Variants in TRIM17 observed in about 807,000 individuals in gnomAD.
The protein encoded by TRIM17 is E3 ubiquitin-protein ligase TRIM17.
Under a neutral mutation model 35.8 loss-of-function variants are expected in TRIM17, and 27 were observed. The ratio of observed to expected loss-of-function variants is 0.75; its 90% CI spans 0.56 to 1.04. The LOEUF (loss-of-function observed/expected upper bound fraction) is 1.04. TRIM17 is among the 50% of genes least tolerant of loss of function. TRIM17 has a pLI of 0.00. For missense variants in TRIM17, 582 were observed against 612.8 expected (o/e 0.95, Z 0.53); for synonymous variants, 246 against 252.6 (o/e 0.97, Z 0.25).
intron 1 of TRIM17, chr1:228,415,559 C>T (rs1657062149): frequency 6.4e-6 from 1 of 155,754 alleles, no homozygotes; most frequent in African/African-American, 2.4e-5. Context: ...CCAACTCCCC[C>T]ATACATCCCC....
chr1:228,413,280 T>C (rs1160918470), intron 3 of TRIM17, among the ~76,000 whole-genome samples: 4 of 151,174 alleles, frequency 2.6e-5, no homozygotes, highest in African/African-American at 9.7e-5. Flanking sequence ...AAGGCATCTA[T>C]ACCAGAAAGA....
intron 4 of TRIM17, chr1:228,409,841 C>T (rs1404360400): frequency 1.1e-5 from 2 of 184,904 alleles, no homozygotes; most frequent in East Asian, 2.7e-4. Context: ...TTTTCTGTAG[C>T]CTCTTTAGGG....
chr1:228,413,780 C>A lies in TRIM17; in HGVS notation c.525+17G>T. ...GAGCAGCAGCAGGAAAGGGACTGGA[C>A]AGCCCTGGGCACCCACCTGCCACTC... On this transcript the variant is annotated intron_variant, in intron 3 of 6. Transcript: ENST00000366698. 6.2e-7 allele frequency: 1 copy of A among 1,605,588 alleles called. No homozygotes were observed. Among genetic ancestry groups the A allele is most frequent in the Non-Finnish European group, 8.5e-7 (1 of 1,172,434 alleles).
Position 228,416,693 on chromosome 1 carries a change from AGCGGGGGCTGGGGGGCG to A in TRIM17, c.-213_-197del. On this transcript the variant is annotated 5_prime_UTR_variant, in exon 1 of 7. Coordinates refer to ENST00000366698, the MANE Select transcript of TRIM17 (RefSeq NM_016102.4). ...GGAGGCCTAGGGACTTTGTGGCGTC[AGCGGGGGCTGGGGGGCG>A]GCGGGGGAGGGGAATGCTGGGCGAG... 1 of 626,414 alleles carries A rather than the reference AGCGGGGGCTGGGGGGCG, an allele frequency of 1.6e-6. No homozygotes were observed. Among genetic ancestry groups the A allele is most frequent in the Non-Finnish European group, 1.8e-6 (1 of 545,198 alleles). The allele number at this position is 626,414 out of a possible 1,614,324, so 38.8% of individuals were successfully genotyped here.
In TRIM17 at chr1:228,416,542, G is replaced by A; in HGVS notation, c.-45C>T. 5.1e-6 allele frequency: 5 copies of A among 985,660 alleles called. No homozygotes were observed. The highest frequency in any genetic ancestry group is 6.0e-6 in the Non-Finnish European group (5 of 830,274). The allele number at this position is 985,660 out of a possible 1,614,324, so 61.1% of individuals were successfully genotyped here. A position where few individuals can be genotyped will look rare whatever the true frequency, so the allele number is the denominator to read the frequency against. ...CGGCGGGGTGGGGGCTACTCACCGC[G>A]GGGAAGGGGGGCCCGCACAGCGCCT... On this transcript the variant is annotated 5_prime_UTR_variant, in exon 1 of 7. Transcript: ENST00000366698.
intron 3 of TRIM17, among the ~76,000 whole-genome samples, chr1:228,412,870 G>A (rs941529485): frequency 2.0e-5 from 3 of 152,108 alleles, no homozygotes; most frequent in Non-Finnish European, 4.4e-5. Context: ...TTGAGAACCC[G>A]CAGAAGCAGG....
rs371626210 is a variant in TRIM17 at position 228,408,302 on chromosome 1, G to C, written c.1333C>G (p.Gln445Glu). 8.1e-5 allele frequency: 130 copies of C among 1,608,034 alleles called. No homozygotes were observed. Among genetic ancestry groups the C allele is most frequent in the Non-Finnish European group, 1.1e-4 (127 of 1,175,812 alleles). The change falls in exon 7 of 7, where the codon CAG (glutamine) becomes GAG (glutamate). Residue 445 changes from glutamine (Q) to glutamate (E), a missense_variant. Physicochemically the swap from Gln to Glu is conservative, Grantham distance 29. Coordinates refer to ENST00000366698, the MANE Select transcript of TRIM17 (RefSeq NM_016102.4). This position sits in a 1 kb window ranked among gnomAD's most constrained non-coding sequence, Gnocchi z 6.3. Reference protein sequence around the residue: ...SDGSHLHTYSQATFPGPLQPF... With the variant: ...SDGSHLHTYSEATFPGPLQPF... ...TGCAGGGGGCCTGGGAAGGTGGCCTGGGAGTAGGTGTGCAGGTGGGACCCA... is the reference window on the plus strand; with the variant it reads ...TGCAGGGGGCCTGGGAAGGTGGCCTCGGAGTAGGTGTGCAGGTGGGACCCA...
chr1:228,408,619 C>T lies in TRIM17; in HGVS notation c.1016G>A (p.Cys339Tyr). ...CSKDRFVAYPCAVGQTAFSSG... is the reference protein window; with the variant it reads ...CSKDRFVAYPYAVGQTAFSSG... ...GGAGAAGGCCGTCTGGCCCACAGCA[C>T]AGGGGTAAGCCACAAATCGGTCCTT... is the stretch of plus-strand genomic sequence containing the variant. The change falls in exon 7 of 7, where the codon TGT becomes TAT. Residue 339 changes from cysteine to tyrosine, a missense_variant. Physicochemically the swap from Cys to Tyr is radical, Grantham distance 194. Transcript: ENST00000366698. The surrounding 1 kb of genome is among the most constrained non-coding windows in gnomAD (Gnocchi z 6.3). 6.8e-6 allele frequency: 11 copies of T among 1,613,770 alleles called. No homozygotes were observed. Among genetic ancestry groups the T allele is most frequent in the Non-Finnish European group, 9.3e-6 (11 of 1,180,032 alleles).
rs1656803055 is a variant in TRIM17, at chr1:228,411,913, G to T, written c.526-737C>A. Among the ~76,000 whole-genome samples the T allele has an allele frequency of 6.6e-6, 1 of 152,286 alleles. No homozygotes were observed. The highest frequency in any genetic ancestry group is 1.9e-4 in the East Asian group (1 of 5,182). ...TCCTGGGCTCAGGTGATCCTCAGGG[G>T]CCACTGTTTTGAACTGGGCTCCTGC... On this transcript the variant is annotated intron_variant, in intron 3 of 6. Coordinates refer to ENST00000366698, the MANE Select transcript of TRIM17 (RefSeq NM_016102.4). The surrounding 1 kb of genome is among the most constrained non-coding windows in gnomAD (Gnocchi z 4.2).
At position 228,408,156 on chromosome 1, in the gene TRIM17, C is replaced by A. The variant is rs115962737; in HGVS notation, c.*45G>T. On this transcript the variant is annotated 3_prime_UTR_variant, in exon 7 of 7. Coordinates refer to ENST00000366698, the MANE Select transcript of TRIM17 (RefSeq NM_016102.4). This position sits in a 1 kb window ranked among gnomAD's most constrained non-coding sequence, Gnocchi z 6.3. ...GCCTGCAGTAAGCAGAAGGCCCACACCTTCTGCAGAGCCAGGAGCAGTGCC... is the reference window on the plus strand; with the variant it reads ...GCCTGCAGTAAGCAGAAGGCCCACAACTTCTGCAGAGCCAGGAGCAGTGCC... The A allele has an allele frequency of 5.3e-4, 797 of 1,503,292 alleles. 6 individuals are homozygous for A. In the African/African-American group the frequency reaches 9.9e-3, roughly 19 times the overall value. 93.1% of individuals were successfully genotyped at this position (1,503,292 alleles called of 1,614,324 possible).
chr1:228,409,320 C>A, intron 5 of TRIM17, 45 bp from the exon 6 acceptor site: 1 of 1,609,738 alleles, frequency 6.2e-7, no homozygotes, highest in Non-Finnish European at 8.5e-7. Context: ...TCCCCTGGCC[C>A]GACAGTCTTA....
At position 228,416,722 on chromosome 1, in the gene TRIM17, G is replaced by GGGGGGGGGGGC; in HGVS notation, c.-226_-225insGCCCCCCCCCC. 17 of 568,042 alleles carry GGGGGGGGGGGC rather than the reference G, an allele frequency of 3.0e-5. No individual in the cohort carries two copies. Among genetic ancestry groups the GGGGGGGGGGGC allele is most frequent in the Non-Finnish European group, 3.7e-5 (17 of 453,536 alleles). 35.2% of individuals were successfully genotyped at this position (568,042 alleles called of 1,614,324 possible). A position where few individuals can be genotyped will look rare whatever the true frequency, so the allele number is the denominator to read the frequency against. ...GGGGCTGGGGGGCGGCGGGGGAGGG[G>GGGGGGGGGGGC]AATGCTGGGCGAGGGAGTGTTCGGC... is the stretch of plus-strand genomic sequence containing the variant. On this transcript the variant is annotated 5_prime_UTR_variant, in exon 1 of 7. Transcript: ENST00000366698.
At position 228,416,722 on chromosome 1, in the gene TRIM17, G is replaced by GGGGGGGGGGGGGGGGGGGGGGGGGGC; in HGVS notation, c.-226_-225insGCCCCCCCCCCCCCCCCCCCCCCCCC. ...GGGGCTGGGGGGCGGCGGGGGAGGG[G>GGGGGGGGGGGGGGGGGGGGGGGGGGC]AATGCTGGGCGAGGGAGTGTTCGGC... On this transcript the variant is annotated 5_prime_UTR_variant, in exon 1 of 7. Coordinates refer to ENST00000366698, the MANE Select transcript of TRIM17 (RefSeq NM_016102.4). The GGGGGGGGGGGGGGGGGGGGGGGGGGC allele has an allele frequency of 1.8e-6, 1 of 568,112 alleles. No individual in the cohort carries two copies. The highest frequency in any genetic ancestry group is 2.2e-6 in the Non-Finnish European group (1 of 453,598). The allele number at this position is 568,112 out of a possible 1,614,324, so 35.2% of individuals were successfully genotyped here.
Position 228,408,724 on chromosome 1 carries a change from G to A in TRIM17, c.911C>T (p.Ala304Val), listed in dbSNP as rs752251417. 1.0e-5 allele frequency: 16 copies of A among 1,603,074 alleles called. No homozygotes were observed. The highest frequency in any genetic ancestry group is 1.7e-5 in the Admixed American group (1 of 60,002). ...CTCATACAGGAGGAGGTAGGGGTAC[G>A]CGGAGGTGGCATCAGGCACCACATC... The part of the protein sequence containing the change: ...LEDVVPDATS[A>V]YPYLLLYESR... Residue 304 changes from alanine (A) to valine (V), a missense_variant, in exon 7 of 7, where the codon GCG (alanine) becomes GTG (valine). Coordinates refer to ENST00000366698, the MANE Select transcript of TRIM17 (RefSeq NM_016102.4). The surrounding 1 kb of genome is among the most constrained non-coding windows in gnomAD (Gnocchi z 6.3).
intron 2 of TRIM17, 63 bp from the exon 3 acceptor site, chr1:228,413,955 C>T: frequency 7.1e-7 from 1 of 1,414,198 alleles, no homozygotes; most frequent in Non-Finnish European, 1.0e-6. Context: ...GCCTAGAGTC[C>T]AGTTGTGCTC....
intron 3 of TRIM17, among the ~76,000 whole-genome samples, 168 bp downstream of exon 3, chr1:228,413,629 C>G (rs1475252377): frequency 1.3e-5 from 2 of 152,228 alleles, no homozygotes; most frequent in African/African-American, 4.8e-5. Flanking sequence ...GTTCATCTGT[C>G]TTAAGTCAGT....
At chr1:228,415,211 G>T in intron 1 of TRIM17, 98 bp from the exon 2 acceptor site, 2 of 984,852 alleles carry the variant, frequency 2.0e-6, no homozygotes, top group Non-Finnish European at 2.9e-6. Flanking sequence ...TAGGACTGCA[G>T]TCCAGTTAGA....
In TRIM17 at chr1:228,408,355, C is replaced by T. The variant is rs578077271; in HGVS notation, c.1280G>A (p.Gly427Glu). 4 of 1,614,084 alleles carry T rather than the reference C, an allele frequency of 2.5e-6. No individual in the cohort carries two copies. The change falls in exon 7 of 7, where the codon GGG (glycine) becomes GAG (glutamate). Residue 427 changes from glycine to glutamate, a missense_variant. Coordinates refer to ENST00000366698, the MANE Select transcript of TRIM17 (RefSeq NM_016102.4). This position sits in a 1 kb window ranked among gnomAD's most constrained non-coding sequence, Gnocchi z 6.3. ...HMGIFLDFEA[G>E]EVSFYSVSDG... Reference sequence around the variant, plus strand: ...GCTTACACTGTAGAAGGACACTTCCCCGGCTTCGAAGTCCAGGAAGATGCC... The same window carrying T: ...GCTTACACTGTAGAAGGACACTTCCTCGGCTTCGAAGTCCAGGAAGATGCC...
In TRIM17 at chr1:228,408,852, C is replaced by A; in HGVS notation, c.884-101G>T. On this transcript the variant is annotated intron_variant, in intron 6 of 6. Transcript: ENST00000366698. This position sits in a 1 kb window ranked among gnomAD's most constrained non-coding sequence, Gnocchi z 6.3. ...CCTAGTGGTGGATGTGGCCAATGGT[C>A]CCCTAACTCCGCAGAGGCCTCCCCT... The A allele has an allele frequency of 6.7e-7, 1 of 1,502,740 alleles. No individual in the cohort carries two copies. Among genetic ancestry groups the A allele is most frequent in the Admixed American group, 2.2e-5 (1 of 46,030 alleles). 93.1% of individuals were successfully genotyped at this position (1,502,740 alleles called of 1,614,324 possible).
Sources: allele counts gnomAD v4.1 joint callset (sites outside exome capture counted in the v4.1 genomes callset), GRCh38; gene constraint gnomAD v4.1.1; non-coding constraint Gnocchi (gnomAD v3.1); transcripts MANE v1.5; gene names NCBI Gene and HGNC (gene_info 2026-07-23, HGNC 2026-07-21).